SLC9A9: variants seen among roughly 807,000 people sequenced by gnomAD.
SLC9A9 encodes the protein sodium/hydrogen exchanger 9.
In SLC9A9, 62 loss-of-function variants were observed where a neutral mutation model predicts 77.8. That is an observed-to-expected ratio of 0.80 (90% CI 0.65 to 0.98). SLC9A9 has a LOEUF of 0.98. Among genes scored for constraint, SLC9A9 ranks in the 50% least tolerant of loss-of-function variants. SLC9A9 has a pLI of 0.00. For synonymous variants in SLC9A9, 320 were observed against 283.5 expected (o/e 1.13, Z -1.29); for missense variants, 775 against 774.9 (o/e 1.00, Z 0.00).
At chr3:143,490,467 G>A (rs1055511313) in intron 11 of SLC9A9, among the ~76,000 whole-genome samples, 4 of 152,128 alleles carry the variant, frequency 2.6e-5, no homozygotes, top group Non-Finnish European at 5.9e-5. Flanking sequence ...GGCTCCTAAA[G>A]TGGTCAAAAT....
chr3:143,461,313 T>C (rs1167565406), intron 12 of SLC9A9, among the ~76,000 whole-genome samples: 1 of 152,188 alleles, frequency 6.6e-6, no homozygotes, highest in Non-Finnish European at 1.5e-5. Context: ...CTAATTACTA[T>C]GGAAAATGGT....
chr3:143,523,021 T>G (rs2036339011), intron 9 of SLC9A9, among the ~76,000 whole-genome samples: 1 of 152,060 alleles, frequency 6.6e-6, no homozygotes, highest in Non-Finnish European at 1.5e-5. Flanking sequence ...TCATTGCTTA[T>G]TTTCATATGG....
intron 12 of SLC9A9, among the ~76,000 whole-genome samples, chr3:143,434,539 T>G (rs2034586124): frequency 6.6e-6 from 1 of 152,138 alleles, no homozygotes; most frequent in Admixed American, 6.5e-5. Flanking sequence ...AGCCCCTTCA[T>G]GCCAGCTTCA....
chr3:143,777,750 T>C (rs2007739751), intron 4 of SLC9A9, among the ~76,000 whole-genome samples: 1 of 149,564 alleles, frequency 6.7e-6, no homozygotes. Flanking sequence ...AGTCTCGCTC[T>C]GTCACCCAGG....
intron 12 of SLC9A9, among the ~76,000 whole-genome samples, chr3:143,436,470 C>G (rs1477927078): frequency 2.0e-5 from 3 of 152,178 alleles, no homozygotes; most frequent in African/African-American, 4.8e-5. Flanking sequence ...CTCGTTCAGT[C>G]CATCAGAAAC....
At chr3:143,609,457 G>T (rs2037982343) in intron 6 of SLC9A9, among the ~76,000 whole-genome samples, 1 of 152,162 alleles carries the variant, frequency 6.6e-6, no homozygotes, top group East Asian at 1.9e-4. Context: ...TGGGCAGCAA[G>T]CTAGGAATGT....
intron 6 of SLC9A9, among the ~76,000 whole-genome samples, chr3:143,619,826 T>A (rs958756066): frequency 6.6e-6 from 1 of 152,210 alleles, no homozygotes; most frequent in Non-Finnish European, 1.5e-5. Flanking sequence ...GGCCAAGTAA[T>A]AAATACCATT....
At chr3:143,656,212 A>G (rs932226773) in intron 5 of SLC9A9, among the ~76,000 whole-genome samples, 1 of 152,244 alleles carries the variant, frequency 6.6e-6, no homozygotes, top group Admixed American at 6.5e-5. Context: ...AGGGTCAAAC[A>G]TAGGATAATT....
At chr3:143,317,685 TCCA>T (rs2031262940) in intron 14 of SLC9A9, among the ~76,000 whole-genome samples, 1 of 39,654 alleles carries the variant, frequency 2.5e-5, no homozygotes, top group African/African-American at 1.7e-4. Context: ...TGTTCTATGT[TCCA>T]TTTTCCTTAT....
At chr3:143,565,565 C>T (rs576950841) in intron 8 of SLC9A9, among the ~76,000 whole-genome samples, 15 of 152,154 alleles carry the variant, frequency 9.9e-5, no homozygotes, top group Admixed American at 4.6e-4. Flanking sequence ...AGTTATTATG[C>T]GAGAAGACAT....
intron 11 of SLC9A9, among the ~76,000 whole-genome samples, chr3:143,486,874 G>T (rs1473905907): frequency 6.6e-6 from 1 of 151,980 alleles, no homozygotes; most frequent in Non-Finnish European, 1.5e-5. Context: ...TGAGGGACAA[G>T]AATGCTGTAA....
chr3:143,273,391 C>A (rs1313633677), intron 14 of SLC9A9, among the ~76,000 whole-genome samples: 6 of 152,150 alleles, frequency 3.9e-5, no homozygotes, highest in African/African-American at 9.7e-5. Context: ...GGAATTAATA[C>A]CCTTATAAGA....
At chr3:143,289,838 C>T (rs1460594618) in intron 14 of SLC9A9, among the ~76,000 whole-genome samples, 1 of 152,152 alleles carries the variant, frequency 6.6e-6, no homozygotes, top group Non-Finnish European at 1.5e-5. Context: ...AGAGGTTCTT[C>T]TGCAATGCTG....
At chr3:143,671,285 T>C (rs895518224) in intron 5 of SLC9A9, among the ~76,000 whole-genome samples, 2 of 152,222 alleles carry the variant, frequency 1.3e-5, no homozygotes, top group Non-Finnish European at 2.9e-5. Context: ...AATTTTAAGC[T>C]GGCTGCAAGT....
At chr3:143,401,054 A>G (rs1396926618) in intron 12 of SLC9A9, among the ~76,000 whole-genome samples, 1 of 152,046 alleles carries the variant, frequency 6.6e-6, no homozygotes, top group Non-Finnish European at 1.5e-5. Context: ...TCTCTACATT[A>G]TCCTGGGCTC....
chr3:143,837,813 C>T (rs193026561), intron 1 of SLC9A9, among the ~76,000 whole-genome samples: 3 of 152,182 alleles, frequency 2.0e-5, no homozygotes, highest in Non-Finnish European at 2.9e-5. Context: ...TCACATCCTA[C>T]AGGAGAGACA....
At chr3:143,586,732 G>A (rs1164972484) in intron 6 of SLC9A9, among the ~76,000 whole-genome samples, 2 of 152,198 alleles carry the variant, frequency 1.3e-5, no homozygotes, top group Non-Finnish European at 2.9e-5. Flanking sequence ...TCTGGCTTAT[G>A]TTCTGCCAAA....
At chr3:143,380,681 G>T (rs1437796123) in intron 13 of SLC9A9, among the ~76,000 whole-genome samples, 2 of 152,172 alleles carry the variant, frequency 1.3e-5, no homozygotes, top group East Asian at 3.9e-4. Flanking sequence ...GTGTTTCCTG[G>T]ACAATGGAGT....
chr3:143,466,161 A>T (rs1240556657), intron 12 of SLC9A9, among the ~76,000 whole-genome samples: 2 of 152,240 alleles, frequency 1.3e-5, no homozygotes, highest in Non-Finnish European at 2.9e-5. Context: ...TTTTCTAGTC[A>T]GATGGATCTT....
Sources: gnomAD v4.1 joint callset for allele counts (sites outside exome capture counted in the v4.1 genomes callset) on GRCh38, gnomAD v4.1.1 for gene constraint, MANE v1.5 for transcripts, NCBI Gene and HGNC (gene_info 2026-07-23, HGNC 2026-07-21) for gene names.